The following BBS7 variants were observed in gnomAD, a reference collection of about 807,000 sequenced individuals.
BBS7 encodes BBSome complex member BBS7.
A neutral mutation model predicts 90.3 loss-of-function variants in BBS7; 50 were observed. That is an observed-to-expected ratio of 0.55 (90% CI 0.44 to 0.70). BBS7 has a LOEUF of 0.70. Ranked by LOEUF, BBS7 falls within the 30% of genes least tolerant of loss-of-function variation. BBS7 has a pLI of 0.00. For synonymous variants in BBS7, 235 were observed against 287.4 expected, an observed-to-expected ratio of 0.82 and a Z score of 1.85; for missense variants, 729 against 838.9, an observed-to-expected ratio of 0.87 and a Z score of 1.62.
At chr4:121,862,414 A>G (rs919841604) in intron 3 of BBS7, among the ~76,000 whole-genome samples, 1 of 152,146 alleles carries the variant, frequency 6.6e-6, no homozygotes. Flanking sequence ...GGAAACACTG[A>G]GTTTCTGGTA....
chr4:121,858,836 G>A (rs1297137542), intron 5 of BBS7, 156 bp downstream of exon 5: 1 of 727,500 alleles, frequency 1.4e-6, no homozygotes, highest in Non-Finnish European at 2.2e-6. Flanking sequence ...TTTGACTCAA[G>A]TTAAAAAAAT....
chr4:121,848,632 G>C (rs901976341), intron 9 of BBS7, among the ~76,000 whole-genome samples: 2 of 152,070 alleles, frequency 1.3e-5, no homozygotes, highest in Non-Finnish European at 2.9e-5. Context: ...TTTTATCATA[G>C]GCATGTAGGT....
chr4:121,869,976 G>C (rs1219210481), intron 1 of BBS7, among the ~76,000 whole-genome samples: 1 of 152,202 alleles, frequency 6.6e-6, no homozygotes, highest in African/African-American at 2.4e-5. Context: ...CACGGCTAGG[G>C]AGGAGGAGAA....
In BBS7 at chr4:121,864,361, C is replaced by T. The variant is rs570553817; in HGVS notation, c.103-1082G>A. Among the ~76,000 whole-genome samples, 118 of 152,172 alleles carry T rather than the reference C, an allele frequency of 7.8e-4. 2 individuals carry two copies. The highest frequency in any genetic ancestry group is 1.3e-3 in the Non-Finnish European group (91 of 68,002). On this transcript the variant is annotated intron_variant, in intron 2 of 18. Coordinates refer to ENST00000264499, the MANE Select transcript of BBS7 (RefSeq NM_176824.3). ...GCTGGATTTTCTTCAAATATTTCAG[C>T]CAAAACAACATAGCACAGCAGATTG... is the stretch of plus-strand genomic sequence containing the variant.
chr4:121,826,108 T>A, intron 18 of BBS7, 115 bp from the exon 19 acceptor site: 1 of 846,894 alleles, frequency 1.2e-6, no homozygotes. Flanking sequence ...TTCCATGATT[T>A]AACATACACA....
intron 12 of BBS7, among the ~76,000 whole-genome samples, chr4:121,841,007 G>C (rs1187041610): frequency 1.3e-5 from 2 of 151,816 alleles, no homozygotes; most frequent in East Asian, 3.9e-4. Context: ...CCAGCTACTT[G>C]TTATGTATTT....
chr4:121,868,684 CAAAAAAAAAAAAAAAAAAAA>C (rs34910805), intron 1 of BBS7, among the ~76,000 whole-genome samples: 1 of 49,684 alleles, frequency 2.0e-5, no homozygotes, highest in Non-Finnish European at 3.5e-5. Context: ...GACCCTGTTT[CAAAAAAAAAAAAAAAAAAAA>C]AAAAAAAAAA....
chr4:121,826,590 A>G (rs1325967649), intron 18 of BBS7, among the ~76,000 whole-genome samples: 1 of 152,240 alleles, frequency 6.6e-6, no homozygotes, highest in South Asian at 2.1e-4. Flanking sequence ...CTATGGTATT[A>G]ACCCCAAGGG....
chr4:121,853,582 A>G (rs1560658646), intron 7 of BBS7, among the ~76,000 whole-genome samples: 1 of 151,794 alleles, frequency 6.6e-6, no homozygotes, highest in East Asian at 1.9e-4. Flanking sequence ...CCTCCACAAT[A>G]TATACTGAAA....
chr4:121,855,130 T>C (rs1031690217), intron 6 of BBS7, among the ~76,000 whole-genome samples: 7 of 151,844 alleles, frequency 4.6e-5, no homozygotes, highest in African/African-American at 1.5e-4. Context: ...CTGGGCAACA[T>C]GGCGAAACCC....
At position 121,842,360 on chromosome 4, in the gene BBS7, C is replaced by T. The variant is rs1312438901; in HGVS notation, c.1305+1567G>A. Among the ~76,000 whole-genome samples, 13 of 151,512 alleles carry T rather than the reference C, an allele frequency of 8.6e-5. No homozygotes were observed. The East Asian group carries it at 1.9e-3, about 23-fold the overall frequency. On this transcript the variant is annotated intron_variant, in intron 12 of 18. Coordinates refer to ENST00000264499, the MANE Select transcript of BBS7 (RefSeq NM_176824.3). ...TTAAAAATATATATATAAGGCCAGA[C>T]GTGGTGGCTCATGCTTATAATCCCA...
In BBS7 at chr4:121,825,749, G is replaced by T; in HGVS notation, c.*111C>A. On this transcript the variant is annotated 3_prime_UTR_variant, in exon 19 of 19. Coordinates refer to ENST00000264499, the MANE Select transcript of BBS7 (RefSeq NM_176824.3). ...AGCCATTATATCTCAAATATTTTTAGATATAAAAAAGCATTTGAAATTAAA... is the reference window on the plus strand; with the variant it reads ...AGCCATTATATCTCAAATATTTTTATATATAAAAAAGCATTTGAAATTAAA... 1 of 1,048,900 alleles carries T rather than the reference G, an allele frequency of 9.5e-7. No homozygotes were observed. The highest frequency in any genetic ancestry group is 1.3e-6 in the Non-Finnish European group (1 of 744,362). 65.0% of individuals were successfully genotyped at this position (1,048,900 alleles called of 1,614,324 possible).
intron 12 of BBS7, among the ~76,000 whole-genome samples, chr4:121,842,340 A>AAT (rs1725786622): frequency 6.6e-6 from 1 of 151,746 alleles, no homozygotes; most frequent in South Asian, 2.1e-4. Flanking sequence ...CCTTTTTAAA[A>AAT]ATATATATAT....
intron 15 of BBS7, among the ~76,000 whole-genome samples, chr4:121,832,753 T>C (rs1158944354): frequency 6.6e-6 from 1 of 152,218 alleles, no homozygotes; most frequent in Non-Finnish European, 1.5e-5. Context: ...GGAGTTTTTA[T>C]TGGAATTAGG....
chr4:121,843,489 A>G (rs1386684921), intron 12 of BBS7, among the ~76,000 whole-genome samples: 1 of 152,244 alleles, frequency 6.6e-6, no homozygotes, highest in Admixed American at 6.5e-5. Context: ...AATTGGATAT[A>G]TAGGCTGAAC....
chr4:121,840,433 G>C (rs1725681064), intron 12 of BBS7, among the ~76,000 whole-genome samples: 1 of 152,198 alleles, frequency 6.6e-6, no homozygotes, highest in African/African-American at 2.4e-5. Flanking sequence ...ACATACACCA[G>C]AGTTTAATAT....
At chr4:121,858,086 G>A (rs567685087) in intron 5 of BBS7, among the ~76,000 whole-genome samples, 1 of 152,308 alleles carries the variant, frequency 6.6e-6, no homozygotes, top group African/African-American at 2.4e-5. Context: ...AATTACAGGT[G>A]TGAGCCACCA....
At chr4:121,840,467 A>G (rs954361019) in intron 12 of BBS7, among the ~76,000 whole-genome samples, 6 of 152,234 alleles carry the variant, frequency 3.9e-5, no homozygotes, top group African/African-American at 1.4e-4. Flanking sequence ...TTTTTCACAA[A>G]TACTTATACA....
chr4:121,859,944 GAT>G (rs1003387629), intron 4 of BBS7, among the ~76,000 whole-genome samples: 1 of 151,932 alleles, frequency 6.6e-6, no homozygotes, highest in Non-Finnish European at 1.5e-5. Flanking sequence ...ATTTAAGTGT[GAT>G]ATATTTTTCA....
Sources: gnomAD v4.1 joint callset for allele counts (sites outside exome capture counted in the v4.1 genomes callset) on GRCh38, gnomAD v4.1.1 for gene constraint, MANE v1.5 for transcripts, NCBI Gene and HGNC (gene_info 2026-07-23, HGNC 2026-07-21) for gene names.